TPCN2: variants seen among roughly 807,000 people sequenced by gnomAD.
TPCN2 encodes two pore channel protein 2.
Under a neutral mutation model 111.4 loss-of-function variants are expected in TPCN2, and 92 were observed. The ratio of observed to expected loss-of-function variants is 0.83; its 90% confidence interval spans 0.70 to 0.98. TPCN2 has a LOEUF of 0.98. TPCN2 is among the 50% of genes least tolerant of loss of function. The pLI, the probability that TPCN2 is intolerant of heterozygous loss-of-function variation, is 0.00. For missense variants in TPCN2, 995 were observed against 980.1 expected (o/e 1.02, Z -0.20); for synonymous variants, 405 against 414.5 (o/e 0.98, Z 0.28).
chr11:69,052,001 G>A (rs73514466), intron 1 of TPCN2, among the ~76,000 whole-genome samples: 6,387 of 152,202 alleles, frequency 0.042, 456 homozygotes, highest in African/African-American at 0.14. Flanking sequence ...TGTTTGGAAC[G>A]AGATCCTTGG....
In TPCN2 at chr11:69,078,579, TG is replaced by T; in HGVS notation, c.1330del (p.Ala444GlnfsTer100). The T allele has an allele frequency of 6.2e-7, 1 of 1,614,080 alleles. No homozygotes were observed. Among genetic ancestry groups the T allele is most frequent in the Non-Finnish European group, 8.5e-7 (1 of 1,180,034 alleles). On this transcript the variant is annotated frameshift_variant, in exon 14 of 25. Transcript: ENST00000294309. LOFTEE classifies it high-confidence loss of function. Reference sequence around the variant, plus strand: ...GACTACCTGGGGAACCTCATCGCCCTGGCAAACCTGGTGTCCATTTGCGTGA... The same window carrying T: ...GACTACCTGGGGAACCTCATCGCCCTGCAAACCTGGTGTCCATTTGCGTGA... ...YFDYLGNLIA[L>X]ANLVSICVFL... is the part of the protein sequence containing the mutation.
rs769331767 is a variant in TPCN2 at position 69,054,755 on chromosome 11, C to T, written c.209C>T (p.Ser70Leu). ...RSINHRVDAS[S>L]MWLYRRYYSN... ...ATCAACCACCGGGTGGATGCCAGCTCGATGTGGCTTTACCGACGGTATTAC... is the reference window on the plus strand; with the variant it reads ...ATCAACCACCGGGTGGATGCCAGCTTGATGTGGCTTTACCGACGGTATTAC... The change falls in exon 3 of 25, where the codon TCG becomes TTG. Residue 70 changes from serine (S) to leucine (L), a missense_variant. Ser to Leu is a moderately radical substitution (Grantham distance 145). Coordinates refer to ENST00000294309, the MANE Select transcript of TPCN2 (RefSeq NM_139075.4). The T allele has an allele frequency of 9.4e-5, 151 of 1,614,014 alleles. No individual in the cohort carries two copies. Among genetic ancestry groups the T allele is most frequent in the South Asian group, 7.7e-4 (70 of 91,072 alleles).
chr11:69,049,072 G>T lies in TPCN2; in HGVS notation c.75G>T (p.Gly25=). The T allele has an allele frequency of 8.0e-7, 1 of 1,242,568 alleles. No individual in the cohort carries two copies. The highest frequency in any genetic ancestry group is 3.2e-5 in the East Asian group (1 of 31,708). The allele number at this position is 1,242,568 out of a possible 1,614,324, so 77.0% of individuals were successfully genotyped here. ...ARGGGGDWPA[G]LTTYRSIQVG... ...GCGGTGGCGGCGACTGGCCGGCGGGGCTGACCACTTACCGCAGCATCCAAG... is the reference window on the plus strand; with the variant it reads ...GCGGTGGCGGCGACTGGCCGGCGGGTCTGACCACTTACCGCAGCATCCAAG... The change falls in exon 1 of 25, where the codon GGG becomes GGT. Residue 25 remains glycine (G), a synonymous_variant. Coordinates refer to ENST00000294309, the MANE Select transcript of TPCN2 (RefSeq NM_139075.4).
rs1373635315 is a variant in TPCN2, at chr11:69,063,936, T to C, written c.695T>C (p.Met232Thr). 3 of 1,614,040 alleles carry C rather than the reference T, an allele frequency of 1.9e-6. No individual in the cohort carries two copies. Among genetic ancestry groups the C allele is most frequent in the Admixed American group, 1.7e-5 (1 of 60,020 alleles). ...GCCATCCACCTGTGCCTCTTCACCA[T>C]GTTCGGAATGCTGCTGTTCGCTGGT... Reference protein sequence around the residue: ...LLAIHLCLFTMFGMLLFAGGK... With the variant: ...LLAIHLCLFTTFGMLLFAGGK... The change falls in exon 7 of 25, where the codon ATG (methionine) becomes ACG (threonine). Residue 232 changes from methionine (M) to threonine (T), a missense_variant. By Grantham distance (81) the Met-to-Thr change is moderately conservative. Coordinates refer to ENST00000294309, the MANE Select transcript of TPCN2 (RefSeq NM_139075.4).
intron 9 of TPCN2, 59 bp from the exon 10 acceptor site, chr11:69,071,297 T>C: frequency 7.1e-7 from 1 of 1,413,146 alleles, no homozygotes. Context: ...CGGCCACCCT[T>C]GCGTTGGTTT....
In TPCN2 at chr11:69,089,367, T is replaced by C. The variant is rs1444473494; in HGVS notation, c.*1414T>C. ...TGGTTGCCGTTCTGGCCCTGCACCC[T>C]CTGTGCTTTGGGACGGCGTCCAACC... On this transcript the variant is annotated 3_prime_UTR_variant, in exon 25 of 25. Transcript: ENST00000294309. 1.1e-4 allele frequency: 17 copies of C among 152,274 alleles called. No individual in the cohort carries two copies. Among genetic ancestry groups the C allele is most frequent in the Non-Finnish European group, 2.9e-5 (2 of 68,056 alleles). 9.4% of individuals were successfully genotyped at this position (152,274 alleles called of 1,614,324 possible).
intron 1 of TPCN2, among the ~76,000 whole-genome samples, chr11:69,051,404 C>T (rs769592058): frequency 2.6e-5 from 4 of 152,240 alleles, no homozygotes; most frequent in Non-Finnish European, 5.9e-5. Flanking sequence ...TATAGTAAGT[C>T]ATTCAGTCTG....
chr11:69,074,081 A>T (rs1855650451), intron 13 of TPCN2, among the ~76,000 whole-genome samples: 1 of 152,334 alleles, frequency 6.6e-6, no homozygotes, highest in Admixed American at 6.5e-5. Context: ...AAAGATACGA[A>T]TTTCGAGGGA....
At chr11:69,054,581 CT>C (rs934590391) in intron 2 of TPCN2, 139 bp from the exon 3 acceptor site, 12 of 765,718 alleles carry the variant, frequency 1.6e-5, no homozygotes, top group Non-Finnish European at 2.4e-5. Flanking sequence ...TGGGTCAGGG[CT>C]GGCCATGTCC....
rs1856284909 is a variant in TPCN2, at chr11:69,086,548, T to G, written c.2029T>G (p.Trp677Gly). The change falls in exon 23 of 25, where the codon TGG becomes GGG. Residue 677 changes from tryptophan to glycine, a missense_variant. By Grantham distance (184) the Trp-to-Gly change is radical. Transcript: ENST00000294309. Reference protein sequence around the residue: ...GPWSKIYFVLWWLVSSVIWVN... With the variant: ...GPWSKIYFVLGWLVSSVIWVN... ...GTGGTCCAAGATCTATTTTGTATTG[T>G]GGTGGCTGGTGTCGTCTGTCATCTG... The G allele has an allele frequency of 6.2e-7, 1 of 1,613,986 alleles. No individual in the cohort carries two copies. Among genetic ancestry groups the G allele is most frequent in the Non-Finnish European group, 8.5e-7 (1 of 1,179,996 alleles).
chr11:69,079,786 C>T, intron 16 of TPCN2, 48 bp from the exon 17 acceptor site: 1 of 1,570,334 alleles, frequency 6.4e-7, no homozygotes, highest in Non-Finnish European at 8.8e-7. Context: ...AAGGGCCGCC[C>T]AGATTAGTGT....
chr11:69,052,452 A>C (rs1861269661), intron 1 of TPCN2, among the ~76,000 whole-genome samples: 1 of 152,168 alleles, frequency 6.6e-6, no homozygotes, highest in African/African-American at 2.4e-5. Flanking sequence ...GGATGTGCTC[A>C]GGGGACATAA....
At chr11:69,067,085 C>G (rs150926986) in intron 7 of TPCN2, among the ~76,000 whole-genome samples, 1 of 152,190 alleles carries the variant, frequency 6.6e-6, no homozygotes, top group African/African-American at 2.4e-5. Context: ...GCAGGCTTCA[C>G]GAAGGGTCCA....
At chr11:69,087,528 C>T (rs1316191837) in intron 24 of TPCN2, among the ~76,000 whole-genome samples, 1 of 152,210 alleles carries the variant, frequency 6.6e-6, no homozygotes, top group Non-Finnish European at 1.5e-5. Context: ...ATCTCTTCTC[C>T]TGGCAGCTTT....
Position 69,084,085 on chromosome 11 carries a change from CAGTGCCGGGCCGGCT to C in TPCN2, c.1761+70_1761+84del, listed in dbSNP as rs567885626. The stretch of plus-strand genomic sequence containing the variant: ...GGGAGGCTGGGAGGCTGGCGGAAGG[CAGTGCCGGGCCGGCT>C]CACTGCTCTGTCGGTAGGAAGGTTC... On this transcript the variant is annotated intron_variant, in intron 19 of 24. Transcript: ENST00000294309. The C allele has an allele frequency of 3.6e-3, 5,484 of 1,505,390 alleles. 18 individuals are homozygous for C. The highest frequency in any genetic ancestry group is 4.7e-3 in the Non-Finnish European group (5,099 of 1,081,902). The allele number at this position is 1,505,390 out of a possible 1,614,324, so 93.3% of individuals were successfully genotyped here. A position where few individuals can be genotyped will look rare whatever the true frequency, so the allele number is the denominator to read the frequency against.
At position 69,062,853 on chromosome 11, in the gene TPCN2, C is replaced by T. The variant is rs200871593; in HGVS notation, c.547-31C>T. 59 of 1,598,418 alleles carry T rather than the reference C, an allele frequency of 3.7e-5. No individual in the cohort carries two copies. The African/African-American group carries it at 4.3e-4, about 12-fold the overall frequency. On this transcript the variant is annotated intron_variant, in intron 5 of 24. Transcript: ENST00000294309. The stretch of plus-strand genomic sequence containing the variant: ...GTGAGGGGTAGAACTAAGCACTTGA[C>T]GTGGTCCTCAGTTTCCTGGGTCTCT...
At chr11:69,075,572 G>A (rs1468015420) in intron 13 of TPCN2, among the ~76,000 whole-genome samples, 3 of 152,230 alleles carry the variant, frequency 2.0e-5, no homozygotes, top group African/African-American at 4.8e-5. Context: ...CAGAGCTTCA[G>A]TTTGGGAGGC....
chr11:69,056,006 G>C (rs1337254219), intron 4 of TPCN2, among the ~76,000 whole-genome samples: 1 of 152,272 alleles, frequency 6.6e-6, no homozygotes, highest in Non-Finnish European at 1.5e-5. Flanking sequence ...CAAGCTGGAG[G>C]TGGGCCTTTG....
intron 13 of TPCN2, among the ~76,000 whole-genome samples, chr11:69,076,957 C>T (rs1251652274): frequency 1.2e-4 from 8 of 68,336 alleles, no homozygotes; most frequent in East Asian, 7.6e-4. Flanking sequence ...CTGCTGTGTC[C>T]CTCCACCTGC....
Sources: allele counts gnomAD v4.1 joint callset (sites outside exome capture counted in the v4.1 genomes callset), GRCh38; gene constraint gnomAD v4.1.1; transcripts MANE v1.5; gene names NCBI Gene and HGNC (gene_info 2026-07-23, HGNC 2026-07-21).